Variants in PACRG observed in about 807,000 individuals in gnomAD.
The protein encoded by PACRG is parkin coregulated.
PACRG carries 29 observed loss-of-function variants against 29.7 expected under a neutral mutation model. That is an observed-to-expected ratio of 0.98 (90% CI 0.73 to 1.33). The LOEUF is 1.33. Ranked by LOEUF, PACRG falls within the 40% of genes most tolerant of loss-of-function variation. PACRG has a pLI of 0.00. For synonymous variants in PACRG, 116 were observed against 118.7 expected (o/e 0.98, Z 0.15); for missense variants, 279 against 316.2 (o/e 0.88, Z 0.89).
intron 2 of PACRG, among the ~76,000 whole-genome samples, chr6:163,008,441 A>G (rs928595593): frequency 6.6e-6 from 1 of 152,020 alleles, no homozygotes; most frequent in Non-Finnish European, 1.5e-5. Context: ...TGTGTTTTCC[A>G]GATTCTCTAA....
intron 2 of PACRG, among the ~76,000 whole-genome samples, chr6:162,860,264 G>A (rs1791755041): frequency 6.6e-6 from 1 of 152,188 alleles, no homozygotes; most frequent in South Asian, 2.1e-4. Flanking sequence ...CTATAGAGCT[G>A]TGCATTTCAT....
At chr6:162,804,726 G>C (rs1786171667) in intron 1 of PACRG, among the ~76,000 whole-genome samples, 1 of 152,084 alleles carries the variant, frequency 6.6e-6, no homozygotes, top group Admixed American at 6.5e-5. Context: ...GAAGTTGATG[G>C]CTCAAATCAC....
intron 4 of PACRG, among the ~76,000 whole-genome samples, chr6:163,103,656 C>T (rs1399990843): frequency 3.9e-5 from 6 of 151,940 alleles, no homozygotes; most frequent in South Asian, 2.1e-4. Context: ...AACAAGGGGA[C>T]GGAAATATTG....
At chr6:163,092,314 G>A (rs967970174) in intron 4 of PACRG, among the ~76,000 whole-genome samples, 1 of 135,740 alleles carries the variant, frequency 7.4e-6, no homozygotes, top group African/African-American at 2.8e-5. Flanking sequence ...GCCCATGTGA[G>A]GAGCCCAGGC....
At chr6:163,265,088 C>T (rs987259198) in intron 4 of PACRG, among the ~76,000 whole-genome samples, 2 of 152,166 alleles carry the variant, frequency 1.3e-5, no homozygotes, top group Admixed American at 1.3e-4. Flanking sequence ...TAGTAAAGAG[C>T]CGGCTTCCAC....
chr6:163,141,817 C>G (rs1222718420), intron 4 of PACRG, among the ~76,000 whole-genome samples: 1 of 151,932 alleles, frequency 6.6e-6, no homozygotes, highest in Non-Finnish European at 1.5e-5. Flanking sequence ...GATAAGAAAA[C>G]TGGACAAATC....
chr6:163,130,937 T>C (rs1476415247), intron 4 of PACRG, among the ~76,000 whole-genome samples: 1 of 152,220 alleles, frequency 6.6e-6, no homozygotes, highest in Non-Finnish European at 1.5e-5. Flanking sequence ...AATAGGATTG[T>C]GTAATTAGTT....
At position 162,992,419 on chromosome 6, in the gene PACRG, C is replaced by T. The variant is rs1406241063; in HGVS notation, c.292-69731C>T. Among the ~76,000 whole-genome samples the T allele has an allele frequency of 2.7e-5, 4 of 147,676 alleles. No individual in the cohort carries two copies. The East Asian group carries it at 8.1e-4, about 30-fold the overall frequency. ...ATTGATTATTGCCCCAATTTCAGCT[C>T]CTGTTATTGGTCTATTCAGAGATTC... On this transcript the variant is annotated intron_variant, in intron 2 of 4. Coordinates refer to ENST00000366888, the MANE Select transcript of PACRG (RefSeq NM_001080379.2).
rs547919306 is a variant in PACRG, at chr6:162,868,694, G to C, written c.291+54413G>C. Among the ~76,000 whole-genome samples, 311 of 152,168 alleles carry C rather than the reference G, an allele frequency of 2.0e-3. 2 individuals carry two copies. The highest frequency in any genetic ancestry group is 7.3e-3 in the African/African-American group (304 of 41,432). On this transcript the variant is annotated intron_variant, in intron 2 of 4. Coordinates refer to ENST00000366888, the MANE Select transcript of PACRG (RefSeq NM_001080379.2). ...CCGGCTCATCACCTGCTTCCTGCGG[G>C]AGGAGAATACGCAACTCCTTCGCCA...
intron 2 of PACRG, among the ~76,000 whole-genome samples, chr6:162,936,965 G>T (rs974402665): frequency 6.6e-6 from 1 of 152,110 alleles, no homozygotes; most frequent in Admixed American, 6.5e-5. Flanking sequence ...TTAAATAAGA[G>T]AAGCATTTGA....
chr6:163,042,588 G>C (rs148914166), intron 2 of PACRG: 28 of 152,094 alleles, frequency 1.8e-4, no homozygotes, highest in African/African-American at 6.5e-4. Context: ...ATTATGACTT[G>C]AGATGTTTGT....
At chr6:163,139,580 CAA>C (rs949865650) in intron 4 of PACRG, among the ~76,000 whole-genome samples, 3 of 148,854 alleles carry the variant, frequency 2.0e-5, no homozygotes, top group East Asian at 3.9e-4. Flanking sequence ...CAATGCTTGG[CAA>C]AAAAAAAGAG....
chr6:163,233,220 A>G (rs563395222), intron 4 of PACRG, among the ~76,000 whole-genome samples: 1 of 152,358 alleles, frequency 6.6e-6, no homozygotes, highest in South Asian at 2.1e-4. Context: ...TGTTTTCTAC[A>G]TCTCTGTTAG....
chr6:163,104,185 T>C (rs1357780775), intron 4 of PACRG, among the ~76,000 whole-genome samples: 1 of 152,224 alleles, frequency 6.6e-6, no homozygotes. Context: ...TGTGGAGTAG[T>C]GTTCAATAAT....
chr6:162,913,407 C>T (rs1242973444), intron 2 of PACRG, among the ~76,000 whole-genome samples: 1 of 152,076 alleles, frequency 6.6e-6, no homozygotes, highest in African/African-American at 2.4e-5. Context: ...TTTTTTATTG[C>T]TGAGTAGTGT....
At chr6:163,041,481 G>A (rs1808715008) in intron 2 of PACRG, among the ~76,000 whole-genome samples, 1 of 152,184 alleles carries the variant, frequency 6.6e-6, no homozygotes, top group Non-Finnish European at 1.5e-5. Flanking sequence ...TACAAGTGCA[G>A]TTTCCTCTGC....
At chr6:163,200,001 A>G (rs986046890) in intron 4 of PACRG, among the ~76,000 whole-genome samples, 1 of 152,214 alleles carries the variant, frequency 6.6e-6, no homozygotes, top group Non-Finnish European at 1.5e-5. Flanking sequence ...TAGTGTATTT[A>G]TCTTTCTGCA....
At chr6:163,264,707 G>A (rs1392885146) in intron 4 of PACRG, among the ~76,000 whole-genome samples, 1 of 152,098 alleles carries the variant, frequency 6.6e-6, no homozygotes, top group Non-Finnish European at 1.5e-5. Flanking sequence ...GAAAATAGGG[G>A]GTGAAACTGA....
At chr6:162,913,845 T>G (rs73021341) in intron 2 of PACRG, among the ~76,000 whole-genome samples, 21,279 of 152,178 alleles carry the variant, frequency 0.14, 1,652 homozygotes, top group East Asian at 0.19. Flanking sequence ...TATATCTTCT[T>G]TTTATGTACT....
Sources: gnomAD v4.1 joint callset for allele counts (sites outside exome capture counted in the v4.1 genomes callset) on GRCh38, gnomAD v4.1.1 for gene constraint, MANE v1.5 for transcripts, NCBI Gene and HGNC (gene_info 2026-07-23, HGNC 2026-07-21) for gene names.